Variants in OTOG observed in about 807,000 individuals in gnomAD.
OTOG encodes otogelin.
A neutral mutation model predicts 313.8 loss-of-function variants in OTOG; 296 were observed. The ratio of observed to expected loss-of-function variants is 0.94; its 90% CI spans 0.86 to 1.04. The LOEUF is 1.04. OTOG is among the 50% of genes least tolerant of loss of function. OTOG has a pLI of 0.00. For synonymous variants in OTOG, 1,533 were observed against 1,554.9 expected (o/e 0.99, Z 0.33); for missense variants, 3,948 against 3,840.1 (o/e 1.03, Z -0.74).
chr11:17,553,314 G>C, intron 5 of OTOG, 51 bp from the exon 6 acceptor site: 1 of 1,497,382 alleles, frequency 6.7e-7, no homozygotes, highest in Non-Finnish European at 8.9e-7. Context: ...CCAGCCTCTG[G>C]CTTGGTGCCC....
chr11:17,602,290 A>G lies in OTOG; in HGVS notation c.3790A>G (p.Ile1264Val). Residue 1264 changes from isoleucine to valine, a missense_variant, in exon 32 of 56, where the codon ATA becomes GTA. By Grantham distance (29) the Ile-to-Val change is conservative. Transcript: ENST00000399397. ...LVGMKAVGDD[I>V]VLVRTEDVAP... ...GGGCATGAAGGCGGTGGGCGATGAC[A>G]TAGTCCTAGTGAGGACAGAGGATGT... 5 of 1,550,606 alleles carry G rather than the reference A, an allele frequency of 3.2e-6. No homozygotes were observed. Among genetic ancestry groups the G allele is most frequent in the Non-Finnish European group, 4.4e-6 (5 of 1,146,962 alleles).
chr11:17,568,787 A>AT (rs1317629913), intron 15 of OTOG, among the ~76,000 whole-genome samples: 8 of 152,162 alleles, frequency 5.3e-5, no homozygotes, highest in Non-Finnish European at 8.8e-5. Flanking sequence ...TTATAAAAAC[A>AT]CCCACAAAGG....
intron 31 of OTOG, among the ~76,000 whole-genome samples, chr11:17,600,693 T>G (rs543131373): frequency 6.6e-6 from 1 of 152,280 alleles, no homozygotes; most frequent in East Asian, 1.9e-4. Flanking sequence ...GGTAAAGGAA[T>G]GAGCCTGCAA....
At chr11:17,551,084 C>T (rs1411199526) in intron 3 of OTOG, among the ~76,000 whole-genome samples, 1 of 152,206 alleles carries the variant, frequency 6.6e-6, no homozygotes, top group Non-Finnish European at 1.5e-5. Context: ...TATGAACAAG[C>T]ACATAAGCTC....
At chr11:17,573,320 T>G in intron 19 of OTOG, 30 bp downstream of exon 19, 1 of 1,494,186 alleles carries the variant, frequency 6.7e-7, no homozygotes, top group Non-Finnish European at 8.9e-7. Context: ...GAGGCTGAGC[T>G]GGAGGAGCCA....
rs776063059 is a variant in OTOG, at chr11:17,551,845, G to C, written c.217-155G>C. Among the ~76,000 whole-genome samples, 4 of 152,152 alleles carry C rather than the reference G, an allele frequency of 2.6e-5. No individual in the cohort carries two copies. In the East Asian group the frequency reaches 7.7e-4, roughly 29 times the overall value. On this transcript the variant is annotated intron_variant, in intron 3 of 55. Transcript: ENST00000399397. ...CTAAACATTCTCCTCTGCCTCTCGA[G>C]GGGGCCAGGCGAGGAGGAGTGGCTG...
intron 3 of OTOG, among the ~76,000 whole-genome samples, chr11:17,549,978 C>T (rs537503876): frequency 6.6e-6 from 1 of 152,270 alleles, no homozygotes; most frequent in African/African-American, 2.4e-5. Context: ...AATGCTGTCC[C>T]GCTTCTACAG....
In OTOG at chr11:17,628,490, G is replaced by A. The variant is rs557087082; in HGVS notation, c.6529-643G>A. On this transcript the variant is annotated intron_variant, in intron 39 of 55. Coordinates refer to ENST00000399397, the MANE Select transcript of OTOG (RefSeq NM_001292063.2). Reference sequence around the variant, plus strand: ...ACCTTGTTAATACGTAGAAGAGGTTGTAGCCTTGAATTTAAAGTGTTTGTG... The same window carrying A: ...ACCTTGTTAATACGTAGAAGAGGTTATAGCCTTGAATTTAAAGTGTTTGTG... Among the ~76,000 whole-genome samples, 6 of 152,302 alleles carry A rather than the reference G, an allele frequency of 3.9e-5. No homozygotes were observed. The East Asian group carries it at 1.2e-3, about 29-fold the overall frequency.
intron 19 of OTOG, 82 bp from the exon 20 acceptor site, chr11:17,574,638 T>G: frequency 2.3e-6 from 3 of 1,332,738 alleles, no homozygotes; most frequent in Non-Finnish European, 3.1e-6. Flanking sequence ...ATCTCCATTC[T>G]CCTCATCAGA....
At chr11:17,575,048 G>A in intron 20 of OTOG, 136 bp downstream of exon 20, 1 of 873,664 alleles carries the variant, frequency 1.1e-6, no homozygotes, top group Non-Finnish European at 1.7e-6. Flanking sequence ...GACCTTGGTG[G>A]GTAAGGTGGG....
Position 17,602,242 on chromosome 11 carries a change from T to C in OTOG, c.3742T>C (p.Leu1248=). ...LGKGPYQLSS[L]AAGGALVGMK... ...TAAGGGCCCCTATCAGCTATCCAGC[T>C]TGGCAGCCGGTGGTGCTCTGGTGGG... The change falls in exon 32 of 56, where the codon TTG becomes CTG. Residue 1248 remains leucine (L), a synonymous_variant. Transcript: ENST00000399397. 9 of 1,550,548 alleles carry C rather than the reference T, an allele frequency of 5.8e-6. 1 individual carries two copies. The highest frequency in any genetic ancestry group is 3.4e-4 in the Middle Eastern group (2 of 5,964).
rs2134007204 is a variant in OTOG, at chr11:17,559,127, C to A, written c.1179C>A (p.Pro393=). ...GGGCGTGTGCCCAGGCAGGGCGGCC[C>A]TTGCAAGGCTGGAGGACCCAGCTCC... ...YARACAQAGR[P]LQGWRTQLRQ... Residue 393 remains proline (P), a synonymous_variant, in exon 11 of 56, where the codon CCC becomes CCA. Coordinates refer to ENST00000399397, the MANE Select transcript of OTOG (RefSeq NM_001292063.2). 6.5e-7 allele frequency: 1 copy of A among 1,541,900 alleles called. No homozygotes were observed. The highest frequency in any genetic ancestry group is 8.7e-7 in the Non-Finnish European group (1 of 1,146,912).
chr11:17,610,315 T>C lies in OTOG; in HGVS notation c.5015T>C (p.Val1672Ala), dbSNP rs1250683627. ...GSHKAVLTPAVTKVISRTGVP... is the reference protein window; with the variant it reads ...GSHKAVLTPAATKVISRTGVP... ...CACAAGGCTGTGCTGACACCTGCAG[T>C]AACTAAGGTCATAAGCAGGACAGGG... Residue 1672 changes from valine (V) to alanine (A), a missense_variant, in exon 36 of 56, where the codon GTA becomes GCA. Val to Ala is a moderately conservative substitution (Grantham distance 64). Coordinates refer to ENST00000399397, the MANE Select transcript of OTOG (RefSeq NM_001292063.2). 1.3e-6 allele frequency: 2 copies of C among 1,550,682 alleles called. No individual in the cohort carries two copies.
intron 51 of OTOG, 100 bp from the exon 52 acceptor site, chr11:17,641,747 G>T (rs1847974778): frequency 3.6e-6 from 3 of 826,240 alleles, no homozygotes; most frequent in Admixed American, 2.7e-5. Context: ...CTTACAGAGG[G>T]TCCTTCCAGG....
chr11:17,572,972 TGC>T, intron 18 of OTOG, 104 bp from the exon 19 acceptor site: 1 of 1,082,710 alleles, frequency 9.2e-7, no homozygotes, highest in Non-Finnish European at 1.3e-6. Context: ...GTACAGCGTG[TGC>T]ACACACACAC....
intron 47 of OTOG, among the ~76,000 whole-genome samples, chr11:17,638,213 T>C (rs964596246): frequency 6.6e-6 from 1 of 152,184 alleles, no homozygotes; most frequent in African/African-American, 2.4e-5. Flanking sequence ...CCCAATTTAA[T>C]GAGCTTGAGG....
At position 17,634,111 on chromosome 11, in the gene OTOG, C is replaced by A. The variant is rs1350260185; in HGVS notation, c.7310C>A (p.Thr2437Asn). The A allele has an allele frequency of 7.1e-6, 11 of 1,548,610 alleles. No homozygotes were observed. Among genetic ancestry groups the A allele is most frequent in the South Asian group, 6.0e-5 (5 of 83,988 alleles). The change falls in exon 44 of 56, where the codon ACC becomes AAC. Residue 2437 changes from threonine (T) to asparagine (N), a missense_variant. Transcript: ENST00000399397. ...SMGVPRALGE[T>N]WNSSLSGCCQ... ...GGGGTGCCGAGGGCCCTGGGGGAGA[C>A]CTGGAACAGCTCCCTCAGCGGCTGC...
chr11:17,605,532 GAGGGCACT>G (rs1341607719), intron 32 of OTOG, among the ~76,000 whole-genome samples: 1 of 152,168 alleles, frequency 6.6e-6, no homozygotes, highest in East Asian at 1.9e-4. Context: ...CTGGTACATT[GAGGGCACT>G]CAAACATGTT....
intron 24 of OTOG, 89 bp from the exon 25 acceptor site, chr11:17,591,361 C>G: frequency 6.7e-7 from 1 of 1,497,718 alleles, no homozygotes; most frequent in East Asian, 2.5e-5. Flanking sequence ...ACACAGTGCA[C>G]ATGCATTCGA....
Sources: gnomAD v4.1 joint callset for allele counts (sites outside exome capture counted in the v4.1 genomes callset) on GRCh38, gnomAD v4.1.1 for gene constraint, MANE v1.5 for transcripts, NCBI Gene and HGNC (gene_info 2026-07-23, HGNC 2026-07-21) for gene names.